TTC28: variants seen among roughly 807,000 people sequenced by gnomAD.
The protein encoded by TTC28 is tetratricopeptide repeat protein 28.
TTC28 carries 61 observed loss-of-function variants against 198.0 expected under a neutral mutation model. That is an observed-to-expected ratio of 0.31 (90% confidence interval 0.25 to 0.38). TTC28 has a LOEUF of 0.38. TTC28 is among the 10% of genes least tolerant of loss of function. The pLI is 1.00. For missense variants in TTC28, 2,678 were observed against 3,164.0 expected (o/e 0.85, Z 3.69); for synonymous variants, 1,171 against 1,297.8 (o/e 0.90, Z 2.10).
chr22:28,550,615 C>CA (rs1280854621), intron 2 of TTC28, among the ~76,000 whole-genome samples: 1 of 151,838 alleles, frequency 6.6e-6, no homozygotes, highest in African/African-American at 2.4e-5. Context: ...CTTTGCTCTA[C>CA]AAAAAACTAT....
At chr22:28,572,755 T>C (rs1031662317) in intron 2 of TTC28, among the ~76,000 whole-genome samples, 1 of 152,174 alleles carries the variant, frequency 6.6e-6, no homozygotes, top group Admixed American at 6.5e-5. Context: ...TTGGCAATAT[T>C]CTATTTCGTT....
In TTC28 at chr22:27,983,121, C is replaced by A; in HGVS notation, c.6546G>T (p.Arg2182Ser). 6.4e-7 allele frequency: 1 copy of A among 1,551,808 alleles called. No individual in the cohort carries two copies. The highest frequency in any genetic ancestry group is 8.7e-7 in the Non-Finnish European group (1 of 1,147,030). Reference protein sequence around the residue: ...SHLIAVERLQRSGGQVSKSNN... With the variant: ...SHLIAVERLQSSGGQVSKSNN... ...TACTCTTGCTCACCTGGCCGCCGCT[C>A]CTCTGAAGACGCTCCACCGCAATGA... Residue 2182 changes from arginine to serine, a missense_variant, in exon 23 of 23, where the codon AGG becomes AGT. Physicochemically the swap from Arg to Ser is moderately radical, Grantham distance 110. Transcript: ENST00000397906.
chr22:28,143,473 G>A (rs567805575), intron 6 of TTC28, among the ~76,000 whole-genome samples: 7 of 152,314 alleles, frequency 4.6e-5, no homozygotes, highest in Admixed American at 3.9e-4. Flanking sequence ...ACATTGTGTT[G>A]GAGAGCACTG....
intron 6 of TTC28, among the ~76,000 whole-genome samples, chr22:28,140,745 T>C (rs897288927): frequency 3.3e-5 from 5 of 152,218 alleles, no homozygotes; most frequent in Non-Finnish European, 4.4e-5. Flanking sequence ...ATAATTAATT[T>C]TTATAACTCT....
intron 2 of TTC28, among the ~76,000 whole-genome samples, chr22:28,443,830 C>G (rs1389874664): frequency 6.6e-6 from 1 of 151,910 alleles, no homozygotes; most frequent in Non-Finnish European, 1.5e-5. Context: ...CCTAAGCGGT[C>G]AGGAAATCAT....
chr22:28,442,167 C>A lies in TTC28; in HGVS notation c.382-135524G>T, dbSNP rs539444375. On this transcript the variant is annotated intron_variant, in intron 2 of 22. Transcript: ENST00000397906. ...AAGGAGCCATATTAGGAAATAATCT[C>A]GCAAAAAGCAAAGTGCCCCCTCCCC... Among the ~76,000 whole-genome samples, 7 of 152,094 alleles carry A rather than the reference C, an allele frequency of 4.6e-5. No homozygotes were observed. The East Asian group carries it at 1.4e-3, about 29-fold the overall frequency.
At chr22:28,029,740 T>G (rs1569092727) in intron 13 of TTC28, among the ~76,000 whole-genome samples, 1 of 152,194 alleles carries the variant, frequency 6.6e-6, no homozygotes, top group Non-Finnish European at 1.5e-5. Context: ...CACAGACGGG[T>G]GAGCCTGGGT....
chr22:28,591,030 CACACACACACAT>C (rs1408117933), intron 2 of TTC28, among the ~76,000 whole-genome samples: 315 of 68,454 alleles, frequency 4.6e-3, no homozygotes, highest in Middle Eastern at 6.8e-3. Flanking sequence ...CACACACACA[CACACACACACAT>C]ATATATATAT....
At chr22:28,196,132 G>A (rs1031198003) in intron 5 of TTC28, among the ~76,000 whole-genome samples, 20 of 151,692 alleles carry the variant, frequency 1.3e-4, no homozygotes, top group African/African-American at 2.4e-4. Flanking sequence ...AAATAATGCC[G>A]CATATCTACA....
At chr22:28,029,229 A>G (rs932483444) in intron 13 of TTC28, 13 of 412,608 alleles carry the variant, frequency 3.2e-5, no homozygotes, top group Non-Finnish European at 5.6e-5. Flanking sequence ...GCCAGCTCCT[A>G]CATCCCCTGC....
intron 12 of TTC28, among the ~76,000 whole-genome samples, chr22:28,062,822 G>A (rs759172741): frequency 6.6e-6 from 1 of 151,984 alleles, no homozygotes; most frequent in Non-Finnish European, 1.5e-5. Flanking sequence ...TATTCATTGT[G>A]AGCATAGTTC....
rs779155748 is a variant in TTC28 at position 28,679,635 on chromosome 22, G to T, written c.89C>A (p.Pro30Gln). The change falls in exon 1 of 23, where the codon CCG (proline) becomes CAG (glutamine). Residue 30 changes from proline to glutamine, a missense_variant. Pro to Gln is a moderately conservative substitution (Grantham distance 76, BLOSUM62 -1). Transcript: ENST00000397906. ...SRRRREPESPPASAPIPLFGA... is the reference protein window; with the variant it reads ...SRRRREPESPQASAPIPLFGA... ...TCACGCACTCACCGGCGCCGACGCC[G>T]GCGGCGACTCTGGCTCCCGCCGCCT... 1 of 1,456,680 alleles carries T rather than the reference G, an allele frequency of 6.9e-7. No homozygotes were observed. The allele number at this position is 1,456,680 out of a possible 1,614,324, so 90.2% of individuals were successfully genotyped here.
At chr22:28,074,051 G>A (rs777020041) in intron 12 of TTC28, among the ~76,000 whole-genome samples, 4 of 152,128 alleles carry the variant, frequency 2.6e-5, no homozygotes, top group Admixed American at 1.3e-4. Flanking sequence ...CCTTATCACT[G>A]TGCTTAAATC....
At chr22:28,047,257 C>G (rs1939903751) in intron 12 of TTC28, among the ~76,000 whole-genome samples, 2 of 152,178 alleles carry the variant, frequency 1.3e-5, no homozygotes. Context: ...CTGACCCTTG[C>G]TGAGTGGAGT....
chr22:28,482,076 G>A (rs1283701165), intron 2 of TTC28, among the ~76,000 whole-genome samples: 1 of 152,052 alleles, frequency 6.6e-6, no homozygotes, highest in Non-Finnish European at 1.5e-5. Context: ...CTATTTCTAA[G>A]TGTGTTCCGT....
At chr22:28,109,423 G>T (rs1249532100) in intron 6 of TTC28, among the ~76,000 whole-genome samples, 1 of 152,180 alleles carries the variant, frequency 6.6e-6, no homozygotes, top group African/African-American at 2.4e-5. Flanking sequence ...TCTTGACGGG[G>T]TTATACAAAA....
At chr22:28,128,526 G>GT (rs1020618423) in intron 6 of TTC28, among the ~76,000 whole-genome samples, 14 of 151,996 alleles carry the variant, frequency 9.2e-5, no homozygotes, top group South Asian at 6.2e-4. Context: ...TAGAACTTTG[G>GT]TATCTCCTTA....
chr22:28,316,059 A>T (rs1455452579), intron 2 of TTC28, among the ~76,000 whole-genome samples: 4 of 152,142 alleles, frequency 2.6e-5, no homozygotes, highest in African/African-American at 9.7e-5. Flanking sequence ...TTTAATGCGC[A>T]TGTGGGCCCT....
At position 28,573,280 on chromosome 22, in the gene TTC28, C is replaced by A. The variant is rs1601582120; in HGVS notation, c.381+56272G>T. On this transcript the variant is annotated intron_variant, in intron 2 of 22. Coordinates refer to ENST00000397906, the MANE Select transcript of TTC28 (RefSeq NM_001145418.2). ...GACCATCCTGGCCAACATGATGAAA[C>A]CCCATCTCTACTAAAAATACAAAAA... Among the ~76,000 whole-genome samples the A allele has an allele frequency of 2.0e-5, 3 of 151,712 alleles. No homozygotes were observed. The East Asian group carries it at 5.8e-4, about 29-fold the overall frequency.
Sources: gnomAD v4.1 joint callset for allele counts (sites outside exome capture counted in the v4.1 genomes callset) on GRCh38, gnomAD v4.1.1 for gene constraint, MANE v1.5 for transcripts, NCBI Gene and HGNC (gene_info 2026-07-23, HGNC 2026-07-21) for gene names.